The following MBNL2 variants were observed in gnomAD, a reference collection of about 807,000 sequenced individuals.
MBNL2 encodes the protein muscleblind-like protein 2.
Under a neutral mutation model 41.9 loss-of-function variants are expected in MBNL2, and 17 were observed. That is an observed-to-expected ratio of 0.41 (90% CI 0.28 to 0.61). The LOEUF (loss-of-function observed/expected upper bound fraction) is 0.61, where lower values mean the gene tolerates loss of function less well. Among genes scored for constraint, MBNL2 ranks in the 20% least tolerant of loss-of-function variants. The probability of loss-of-function intolerance (pLI) is 0.35; values close to 1 mark genes in which losing one functional copy is unlikely to be tolerated. For synonymous variants in MBNL2, 195 were observed against 182.9 expected (o/e 1.07, Z -0.53); for missense variants, 336 against 505.6 (o/e 0.66, Z 3.22).
At chr13:97,144,140 G>T in the MBNL2 span, among the ~76,000 whole-genome samples, 1 of 151,992 alleles carries the variant, frequency 6.6e-6, no homozygotes, top group Non-Finnish European at 1.5e-5. Flanking sequence ...CACCACGCCC[G>T]GCTGTGTTTA....
intron 1 of MBNL2, among the ~76,000 whole-genome samples, chr13:97,273,156 T>C (rs1566381515): frequency 2.6e-5 from 4 of 152,204 alleles, no homozygotes; most frequent in African/African-American, 9.6e-5. Flanking sequence ...GCCTTTGAGG[T>C]TGAGCATCTA....
At chr13:97,308,329 A>G (rs2058303714) in intron 2 of MBNL2, among the ~76,000 whole-genome samples, 1 of 152,250 alleles carries the variant, frequency 6.6e-6, no homozygotes, top group Admixed American at 6.5e-5. Context: ...TGTAAGGGTA[A>G]TTAACACATC....
chr13:97,144,658 C>T, the MBNL2 span, among the ~76,000 whole-genome samples: 1 of 151,960 alleles, frequency 6.6e-6, no homozygotes, highest in African/African-American at 2.4e-5. Context: ...GTCTCAAAAC[C>T]CTGACCTCAG....
chr13:97,278,251 C>CAAAAAAAAAAAAAAAA (rs10606011), intron 2 of MBNL2, among the ~76,000 whole-genome samples: 1 of 40,514 alleles, frequency 2.5e-5, no homozygotes, highest in African/African-American at 1.1e-4. Context: ...GAGACTGTCT[C>CAAAAAAAAAAAAAAAA]AAAAAAAAAA....
At chr13:97,214,520 A>G in the MBNL2 span, among the ~76,000 whole-genome samples, 68 of 152,344 alleles carry the variant, frequency 4.5e-4, no homozygotes, top group Non-Finnish European at 7.2e-4. Flanking sequence ...AAGGAAAAGT[A>G]TAGCACATGA....
chr13:97,216,363 A>AG, the MBNL2 span, among the ~76,000 whole-genome samples: 2 of 152,184 alleles, frequency 1.3e-5, no homozygotes, highest in South Asian at 4.1e-4. Context: ...CTGTACCCTC[A>AG]GGGGGCTTAT....
At chr13:97,293,719 G>C (rs2056565715) in intron 2 of MBNL2, among the ~76,000 whole-genome samples, 1 of 151,994 alleles carries the variant, frequency 6.6e-6, no homozygotes, top group African/African-American at 2.4e-5. Flanking sequence ...TATTTCCTGA[G>C]TCTCGTACCT....
At chr13:97,358,910 A>G (rs2063190401) in intron 7 of MBNL2, among the ~76,000 whole-genome samples, 1 of 152,230 alleles carries the variant, frequency 6.6e-6, no homozygotes, top group Non-Finnish European at 1.5e-5. Flanking sequence ...TTTGTATAAA[A>G]TCTACACTTT....
At chr13:97,166,057 A>G in the MBNL2 span, among the ~76,000 whole-genome samples, 1 of 152,260 alleles carries the variant, frequency 6.6e-6, no homozygotes, top group Admixed American at 6.5e-5. Flanking sequence ...ATGCAAACAC[A>G]AAGTAACAGT....
At chr13:97,340,206 C>G (rs1329985085) in intron 3 of MBNL2, among the ~76,000 whole-genome samples, 2 of 152,196 alleles carry the variant, frequency 1.3e-5, no homozygotes, top group Non-Finnish European at 2.9e-5. Context: ...ACGGAGTGAG[C>G]CTCTCTGCAA....
In MBNL2 at chr13:97,268,494, T is replaced by C. The variant is rs528213430; in HGVS notation, c.-604-7138T>C. Among the ~76,000 whole-genome samples, 1 of 152,188 alleles carries C rather than the reference T, an allele frequency of 6.6e-6. No individual in the cohort carries two copies. Among genetic ancestry groups the C allele is most frequent in the Non-Finnish European group, 1.5e-5 (1 of 68,034 alleles). On this transcript the variant is annotated intron_variant, in intron 1 of 8. Transcript: ENST00000679496. This position sits in a 1 kb window ranked among gnomAD's most constrained non-coding sequence, Gnocchi z 4.6. The stretch of plus-strand genomic sequence containing the variant: ...AACCGCTGGACTAAAGATCTGGGCA[T>C]TGAGGCTCACGGTGTGCATCCCTGG...
intron 2 of MBNL2, among the ~76,000 whole-genome samples, chr13:97,288,295 T>G (rs1440947961): frequency 6.6e-6 from 1 of 152,212 alleles, no homozygotes; most frequent in Non-Finnish European, 1.5e-5. Flanking sequence ...ATTTGAGTCA[T>G]ACACACTGGA....
At chr13:97,240,852 G>A (rs1319035536) in intron 1 of MBNL2, among the ~76,000 whole-genome samples, 1 of 152,176 alleles carries the variant, frequency 6.6e-6, no homozygotes, top group African/African-American at 2.4e-5. Flanking sequence ...CGAGCTCCGT[G>A]ATAGGCCATG....
the MBNL2 span, among the ~76,000 whole-genome samples, chr13:97,202,243 A>G: frequency 6.6e-6 from 1 of 152,234 alleles, no homozygotes; most frequent in East Asian, 1.9e-4. Flanking sequence ...TGGGTGATGC[A>G]TACATGAGGG....
intron 1 of MBNL2, among the ~76,000 whole-genome samples, chr13:97,272,334 G>A (rs149698080): frequency 5.5e-4 from 84 of 152,156 alleles, no homozygotes; most frequent in Middle Eastern, 3.4e-3. Context: ...TAAGTTCCTT[G>A]TAAATTCTGG....
the MBNL2 span, among the ~76,000 whole-genome samples, chr13:97,184,730 A>G: frequency 6.6e-6 from 1 of 152,112 alleles, no homozygotes; most frequent in African/African-American, 2.4e-5. Context: ...TCACACCTAG[A>G]ATCCGAGCAC....
At chr13:97,259,301 A>G (rs1394844208) in intron 1 of MBNL2, among the ~76,000 whole-genome samples, 1 of 152,164 alleles carries the variant, frequency 6.6e-6, no homozygotes. Flanking sequence ...CATGTAAAGA[A>G]GAAGAATAAA....
At chr13:97,206,592 A>G in the MBNL2 span, among the ~76,000 whole-genome samples, 1 of 152,140 alleles carries the variant, frequency 6.6e-6, no homozygotes, top group Non-Finnish European at 1.5e-5. Context: ...GAATTGCTAT[A>G]TCCTTGTTGC....
intron 1 of MBNL2, among the ~76,000 whole-genome samples, chr13:97,231,320 G>C (rs2042352732): frequency 6.6e-6 from 1 of 152,208 alleles, no homozygotes; most frequent in African/African-American, 2.4e-5. Flanking sequence ...CTCTGATTCA[G>C]TAGGGCTGGG....
Sources: allele counts gnomAD v4.1 joint callset (sites outside exome capture counted in the v4.1 genomes callset), GRCh38; gene constraint gnomAD v4.1.1; non-coding constraint Gnocchi (gnomAD v3.1); transcripts MANE v1.5; gene names NCBI Gene and HGNC (gene_info 2026-07-23, HGNC 2026-07-21).